Variants in MLYCD observed in about 807,000 individuals in gnomAD.
MLYCD encodes the protein malonyl-CoA decarboxylase, mitochondrial.
MLYCD carries 27 observed loss-of-function variants against 35.8 expected under a neutral mutation model. The observed-to-expected ratio is 0.75, with a 90% confidence interval of 0.56 to 1.04. The LOEUF is 1.04. MLYCD is among the 50% of genes least tolerant of loss of function. The pLI is 0.00. For synonymous variants in MLYCD, 403 were observed against 302.4 expected, an observed-to-expected ratio of 1.33 and a Z score of -3.45; for missense variants, 917 against 665.1, an observed-to-expected ratio of 1.38 and a Z score of -4.17.
rs1597295614 is a variant in MLYCD at position 83,915,340 on chromosome 16, A to G, written c.1333A>G (p.Thr445Ala). The G allele has an allele frequency of 6.2e-7, 1 of 1,613,812 alleles. No individual in the cohort carries two copies. Among genetic ancestry groups the G allele is most frequent in the South Asian group, 1.1e-5 (1 of 91,088 alleles). The change falls in exon 5 of 5, where the codon ACC becomes GCC. Residue 445 changes from threonine to alanine, a missense_variant. Physicochemically the swap from Thr to Ala is moderately conservative, Grantham distance 58. Transcript: ENST00000262430. ...WMADVSLRGITGSCGLMANYR... is the reference protein window; with the variant it reads ...WMADVSLRGIAGSCGLMANYR... ...GGCGGATGTGAGCCTCAGAGGCATC[A>G]CCGGCTCCTGCGGCCTGATGGCCAA...
Position 83,899,598 on chromosome 16 carries a change from C to A in MLYCD, c.454C>A (p.Arg152Ser), listed in dbSNP as rs1362370816. The A allele has an allele frequency of 1.9e-6, 3 of 1,586,342 alleles. No homozygotes were observed. The highest frequency in any genetic ancestry group is 2.2e-5 in the South Asian group (2 of 89,422). Residue 152 changes from arginine to serine, a missense_variant, in exon 1 of 5, where the codon CGC becomes AGC. Coordinates refer to ENST00000262430, the MANE Select transcript of MLYCD (RefSeq NM_012213.3). ...CATCAGCAAGCTGGACGGCGGCGTG[C>A]GCTTCCTGGTGCAGCTGCGGGCCGA... ...HHISKLDGGVRFLVQLRADLL... is the reference protein window; with the variant it reads ...HHISKLDGGVSFLVQLRADLL...
At chr16:83,901,896 C>T (rs1015441493) in intron 1 of MLYCD, among the ~76,000 whole-genome samples, 1 of 152,078 alleles carries the variant, frequency 6.6e-6, no homozygotes, top group African/African-American at 2.4e-5. Flanking sequence ...AGGTGTTTAT[C>T]AAACAGAATG....
In MLYCD at chr16:83,899,183, C is replaced by G; in HGVS notation, c.39C>G (p.Leu13=). The G allele has an allele frequency of 8.5e-7, 1 of 1,171,642 alleles. No individual in the cohort carries two copies. Among genetic ancestry groups the G allele is most frequent in the Non-Finnish European group, 1.0e-6 (1 of 952,846 alleles). 72.6% of individuals were successfully genotyped at this position (1,171,642 alleles called of 1,614,324 possible). The change falls in exon 1 of 5, where the codon CTC becomes CTG. Residue 13 remains leucine (L), a synonymous_variant. Coordinates refer to ENST00000262430, the MANE Select transcript of MLYCD (RefSeq NM_012213.3). ...GGCCAGGCTTGACGGCCAGGCGTCT[C>G]CTCCCGCTGCGGTTGCCCCCGCGGC... The part of the protein sequence containing the change: ...GFGPGLTARR[L]LPLRLPPRPP...
At chr16:83,910,652 C>A (rs1907141660) in intron 3 of MLYCD, among the ~76,000 whole-genome samples, 1 of 149,652 alleles carries the variant, frequency 6.7e-6, no homozygotes, top group Admixed American at 6.7e-5. Context: ...GGTCGTGCCA[C>A]TGCACTCCAG....
rs746782812 is a variant in MLYCD at position 83,915,004 on chromosome 16, G to A, written c.997G>A (p.Gly333Ser). Residue 333 changes from glycine (G) to serine (S), a missense_variant, in exon 5 of 5, where the codon GGT becomes AGT. Gly to Ser is a moderately conservative substitution (Grantham distance 56). Coordinates refer to ENST00000262430, the MANE Select transcript of MLYCD (RefSeq NM_012213.3). Reference sequence around the variant, plus strand: ...GTTTTCAAGTCTGTCACCTATACCTGGTTTCACCAAATGGCTTCTGGGGCT... The same window carrying A: ...GTTTTCAAGTCTGTCACCTATACCTAGTTTCACCAAATGGCTTCTGGGGCT... ...GVFSSLSPIP[G>S]FTKWLLGLLN... The A allele has an allele frequency of 4.3e-6, 7 of 1,614,084 alleles. No individual in the cohort carries two copies. The highest frequency in any genetic ancestry group is 2.7e-5 in the African/African-American group (2 of 74,928).
At chr16:83,911,967 G>A in intron 3 of MLYCD, 1 of 523,232 alleles carries the variant, frequency 1.9e-6, no homozygotes, top group South Asian at 2.0e-5. Flanking sequence ...CTTCAACAAA[G>A]TTTGCATGAA....
At chr16:83,914,823 T>C (rs1436338351) in intron 4 of MLYCD, 133 bp from the exon 5 acceptor site, 4 of 1,261,546 alleles carry the variant, frequency 3.2e-6, no homozygotes, top group East Asian at 2.3e-5. Context: ...ATAAACAACA[T>C]GTATCAGATG....
In MLYCD at chr16:83,925,582, C is replaced by T. The variant is rs1357769880; in HGVS notation, c.*10093C>T. 1.3e-5 allele frequency: 2 copies of T among 152,476 alleles called. No homozygotes were observed. The highest frequency in any genetic ancestry group is 2.9e-5 in the Non-Finnish European group (2 of 68,186). 9.4% of individuals were successfully genotyped at this position (152,476 alleles called of 1,614,324 possible). On this transcript the variant is annotated 3_prime_UTR_variant, in exon 5 of 5. Coordinates refer to ENST00000262430, the MANE Select transcript of MLYCD (RefSeq NM_012213.3). ...ATCTCTCCTCTCCTTTCCTACCTCC[C>T]ACCATCCCCGTCACCCTCCCTGTCA...
At chr16:83,911,549 A>T in intron 3 of MLYCD, 1 of 153,692 alleles carries the variant, frequency 6.5e-6, no homozygotes, top group Non-Finnish European at 1.4e-5. Flanking sequence ...TGCCGTGAGA[A>T]TGAGAGGCAA....
Position 83,911,896 on chromosome 16 carries a change from T to G in MLYCD, c.799-322T>G, listed in dbSNP as rs77757558. On this transcript the variant is annotated intron_variant, in intron 3 of 4. Coordinates refer to ENST00000262430, the MANE Select transcript of MLYCD (RefSeq NM_012213.3). ...ATCGCTGAGTGTTGGCCGGAGAGTT[T>G]ATGGAGCAAGTTTTTGTTTGCACAA... is the stretch of plus-strand genomic sequence containing the variant. 0.011 allele frequency: 4,283 copies of G among 373,504 alleles called. 188 individuals carry two copies. Among genetic ancestry groups the G allele is most frequent in the African/African-American group, 0.085 (4,049 of 47,786 alleles). The allele number at this position is 373,504 out of a possible 1,614,324, so 23.1% of individuals were successfully genotyped here.
chr16:83,913,183 A>G (rs1468072621), intron 4 of MLYCD: 2 of 152,286 alleles, frequency 1.3e-5, no homozygotes, highest in African/African-American at 4.8e-5. Flanking sequence ...TAGTAAATTC[A>G]TAATCAATTT....
Position 83,919,209 on chromosome 16 carries a change from ACAC to A in MLYCD, c.*3721_*3723del. Reference sequence around the variant, plus strand: ...GAATTCACACACAATGCACAGGAGAACACAGTGCACAGGAGAACACACACACAC... The same window carrying A: ...GAATTCACACACAATGCACAGGAGAAAGTGCACAGGAGAACACACACACAC... On this transcript the variant is annotated 3_prime_UTR_variant, in exon 5 of 5. Transcript: ENST00000262430. 6.8e-6 allele frequency: 1 copy of A among 146,124 alleles called. No individual in the cohort carries two copies. The highest frequency in any genetic ancestry group is 2.7e-5 in the African/African-American group (1 of 37,308). The allele number at this position is 146,124 out of a possible 1,614,324, so 9.1% of individuals were successfully genotyped here. A position where few individuals can be genotyped will look rare whatever the true frequency, so the allele number is the denominator to read the frequency against.
chr16:83,915,638 G>A lies in MLYCD; in HGVS notation c.*149G>A. The A allele has an allele frequency of 1.3e-6, 2 of 1,517,140 alleles. No homozygotes were observed. Among genetic ancestry groups the A allele is most frequent in the South Asian group, 1.2e-5 (1 of 81,564 alleles). 94.0% of individuals were successfully genotyped at this position (1,517,140 alleles called of 1,614,324 possible). On this transcript the variant is annotated 3_prime_UTR_variant, in exon 5 of 5. Transcript: ENST00000262430. ...GCAGCCGGTCCACACTGTGAGGCCAGGCCTCAACTTCCCTCACCCTGGGCG... is the reference window on the plus strand; with the variant it reads ...GCAGCCGGTCCACACTGTGAGGCCAAGCCTCAACTTCCCTCACCCTGGGCG...
Position 83,915,938 on chromosome 16 carries a change from C to G in MLYCD, c.*449C>G. On this transcript the variant is annotated 3_prime_UTR_variant, in exon 5 of 5. Coordinates refer to ENST00000262430, the MANE Select transcript of MLYCD (RefSeq NM_012213.3). ...AGAATGCGGCGATGGTTGCTTTAGC[C>G]GTTTCTCACCATGCAATGCAGAGGG... 1 of 1,070,358 alleles carries G rather than the reference C, an allele frequency of 9.3e-7. No homozygotes were observed. Among genetic ancestry groups the G allele is most frequent in the Non-Finnish European group, 1.1e-6 (1 of 880,376 alleles). The allele number at this position is 1,070,358 out of a possible 1,614,324, so 66.3% of individuals were successfully genotyped here. A position where few individuals can be genotyped will look rare whatever the true frequency, so the allele number is the denominator to read the frequency against.
Position 83,915,040 on chromosome 16 carries a change from C to A in MLYCD, c.1033C>A (p.Gln345Lys), listed in dbSNP as rs1199078946. ...TKWLLGLLNS[Q>K]TKEHGRNELF... ...ATGGCTTCTGGGGCTTCTGAACTCG[C>A]AAACGAAGGAGCATGGGAGGAATGA... Residue 345 changes from glutamine to lysine, a missense_variant, in exon 5 of 5, where the codon CAA (glutamine) becomes AAA (lysine). Gln to Lys is a moderately conservative substitution (Grantham distance 53, BLOSUM62 1). Transcript: ENST00000262430. The A allele has an allele frequency of 6.2e-7, 1 of 1,614,242 alleles. No homozygotes were observed. Among genetic ancestry groups the A allele is most frequent in the South Asian group, 1.1e-5 (1 of 91,082 alleles).
In MLYCD at chr16:83,908,173, G is replaced by T; in HGVS notation, c.689G>T (p.Arg230Leu). Residue 230 changes from arginine (R) to leucine (L), a missense_variant, in exon 3 of 5, where the codon CGC becomes CTC. Transcript: ENST00000262430. ...AAAAACTGGATGGACATGAAGCGCC[G>T]CGTTGGGCCCTACAGAAGGTGTTAC... ...PVKNWMDMKR[R>L]VGPYRRCYFF... The T allele has an allele frequency of 1.5e-5, 24 of 1,614,196 alleles. No individual in the cohort carries two copies. Among genetic ancestry groups the T allele is most frequent in the Non-Finnish European group, 1.9e-5 (23 of 1,180,042 alleles).
chr16:83,904,281 CT>C (rs1213019424), intron 1 of MLYCD, among the ~76,000 whole-genome samples: 5 of 152,182 alleles, frequency 3.3e-5, no homozygotes, highest in African/African-American at 1.2e-4. Flanking sequence ...CTCCTGGCCC[CT>C]GGGATGGTCC....
At chr16:83,912,683 G>A (rs565018904) in intron 4 of MLYCD, 77 of 389,180 alleles carry the variant, frequency 2.0e-4, no homozygotes, top group African/African-American at 1.3e-3. Context: ...TGGATTTCAC[G>A]TGTCATCCTG....
At position 83,925,048 on chromosome 16, in the gene MLYCD, T is replaced by G. The variant is rs1223513064; in HGVS notation, c.*9559T>G. On this transcript the variant is annotated 3_prime_UTR_variant, in exon 5 of 5. Coordinates refer to ENST00000262430, the MANE Select transcript of MLYCD (RefSeq NM_012213.3). Reference sequence around the variant, plus strand: ...TAGCAAGGGCACTAGTGCCCCTGTTTGCCGGGGACAGGCCCTGTCTGGGGC... The same window carrying G: ...TAGCAAGGGCACTAGTGCCCCTGTTGGCCGGGGACAGGCCCTGTCTGGGGC... The G allele has an allele frequency of 6.6e-6, 1 of 152,356 alleles. No homozygotes were observed. Among genetic ancestry groups the G allele is most frequent in the East Asian group, 1.9e-4 (1 of 5,198 alleles). 9.4% of individuals were successfully genotyped at this position (152,356 alleles called of 1,614,324 possible).
Sources: gnomAD v4.1 joint callset for allele counts (sites outside exome capture counted in the v4.1 genomes callset) on GRCh38, gnomAD v4.1.1 for gene constraint, MANE v1.5 for transcripts, NCBI Gene and HGNC (gene_info 2026-07-23, HGNC 2026-07-21) for gene names.